Variants in TMEM117 observed in about 807,000 individuals in gnomAD.
TMEM117 encodes the protein transmembrane protein 117.
A neutral mutation model predicts 52.4 loss-of-function variants in TMEM117; 27 were observed. The observed-to-expected ratio is 0.51, with a 90% CI of 0.38 to 0.71. The LOEUF is 0.71. Among genes scored for constraint, TMEM117 ranks in the 30% least tolerant of loss-of-function variants. TMEM117 has a pLI of 0.00. For synonymous variants in TMEM117, 215 were observed against 206.3 expected (o/e 1.04, Z -0.36); for missense variants, 556 against 630.5 (o/e 0.88, Z 1.26).
chr12:44,362,677 A>G (rs1592719116), intron 6 of TMEM117, among the ~76,000 whole-genome samples: 1 of 152,170 alleles, frequency 6.6e-6, no homozygotes. Context: ...TCTATTTTCA[A>G]TGAAAAATAA....
intron 4 of TMEM117, among the ~76,000 whole-genome samples, chr12:44,192,590 T>C (rs912173507): frequency 4.6e-5 from 7 of 152,096 alleles, no homozygotes; most frequent in African/African-American, 1.2e-4. Flanking sequence ...AGGTGAAGTA[T>C]TGGTTGAATG....
intron 3 of TMEM117, among the ~76,000 whole-genome samples, chr12:44,018,012 T>A (rs1946398906): frequency 6.6e-6 from 1 of 152,188 alleles, no homozygotes; most frequent in Non-Finnish European, 1.5e-5. Context: ...AATTAGACTC[T>A]CTAGTTGGTA....
the TMEM117 span, among the ~76,000 whole-genome samples, chr12:43,816,742 C>A: frequency 2.6e-5 from 4 of 152,204 alleles, no homozygotes; most frequent in African/African-American, 9.6e-5. Flanking sequence ...AAATTAACTG[C>A]ACTATGAACT....
At chr12:44,003,052 G>C (rs1946139975) in intron 3 of TMEM117, among the ~76,000 whole-genome samples, 1 of 152,102 alleles carries the variant, frequency 6.6e-6, no homozygotes, top group Admixed American at 6.5e-5. Flanking sequence ...CCCCAACCCT[G>C]CCTGCCATTC....
In TMEM117 at chr12:43,884,333, A is replaced by G. The variant is rs1365935730; in HGVS notation, c.277+39405A>G. ...TAGATCAGTATATGAAATAGTATAT[A>G]TTATTATATTGTATTATTTATTAGG... On this transcript the variant is annotated intron_variant, in intron 2 of 7. Transcript: ENST00000266534. Among the ~76,000 whole-genome samples the G allele has an allele frequency of 3.9e-5, 6 of 152,100 alleles. No individual in the cohort carries two copies. In the East Asian group the frequency reaches 1.2e-3, roughly 29 times the overall value.
chr12:44,292,444 A>G (rs1011043540), intron 5 of TMEM117, among the ~76,000 whole-genome samples: 4 of 151,818 alleles, frequency 2.6e-5, no homozygotes, highest in African/African-American at 9.7e-5. Flanking sequence ...ATTAGTCTCT[A>G]TTTGATTTAT....
In TMEM117 at chr12:44,191,925, T is replaced by A. The variant is rs187709266; in HGVS notation, c.511-19365T>A. On this transcript the variant is annotated intron_variant, in intron 4 of 7. Transcript: ENST00000266534. ...GGAAAATATTTAATAAATACTTTTA[T>A]AAAATATATAGACATTTTGTAAATC... 1.3e-3 allele frequency among the ~76,000 whole-genome samples: 191 copies of A among 152,302 alleles called. 1 individual carries two copies. The highest frequency in any genetic ancestry group is 4.5e-3 in the African/African-American group (187 of 41,566).
At chr12:43,857,019 C>T (rs1441971728) in intron 2 of TMEM117, among the ~76,000 whole-genome samples, 3 of 152,192 alleles carry the variant, frequency 2.0e-5, no homozygotes, top group African/African-American at 4.8e-5. Flanking sequence ...TGTTCTCTCT[C>T]CTAGAGCAGG....
intron 2 of TMEM117, among the ~76,000 whole-genome samples, chr12:43,884,902 A>C (rs757053609): frequency 3.3e-5 from 5 of 152,128 alleles, no homozygotes; most frequent in African/African-American, 9.7e-5. Flanking sequence ...CACAAGCACC[A>C]TCCTATAAAA....
chr12:44,226,925 A>T lies in TMEM117; in HGVS notation c.608+15538A>T, dbSNP rs117180073. Among the ~76,000 whole-genome samples, 9 of 152,268 alleles carry T rather than the reference A, an allele frequency of 5.9e-5. No individual in the cohort carries two copies. The East Asian group carries it at 1.7e-3, about 29-fold the overall frequency. ...GAGCAGCCCTAGCAGGCTCATATAC[A>T]TGTGTAATATAAATACAATAAAAAT... is the stretch of plus-strand genomic sequence containing the variant. On this transcript the variant is annotated intron_variant, in intron 5 of 7. Coordinates refer to ENST00000266534, the MANE Select transcript of TMEM117 (RefSeq NM_032256.3).
At chr12:44,153,021 G>A (rs1019799815) in intron 4 of TMEM117, among the ~76,000 whole-genome samples, 2 of 151,334 alleles carry the variant, frequency 1.3e-5, no homozygotes, top group African/African-American at 4.9e-5. Flanking sequence ...TAAAAGAAAT[G>A]TTCAGGGGAG....
intron 2 of TMEM117, among the ~76,000 whole-genome samples, chr12:43,891,191 G>A (rs1944096126): frequency 6.6e-6 from 1 of 151,546 alleles, no homozygotes; most frequent in Admixed American, 6.6e-5. Context: ...ACCATTTGAC[G>A]AGTATTTGTT....
chr12:43,796,825 GT>G, the TMEM117 span: 3 of 760,254 alleles, frequency 3.9e-6, no homozygotes, highest in African/African-American at 5.3e-5. Flanking sequence ...ATGACAGGTA[GT>G]TCCCAGGCAC....
intron 3 of TMEM117, among the ~76,000 whole-genome samples, chr12:43,990,821 G>A (rs1481290879): frequency 9.2e-5 from 14 of 152,092 alleles, no homozygotes; most frequent in Admixed American, 6.6e-4. Context: ...AGCAATAAAG[G>A]CACAGTTCTC....
At chr12:44,221,344 T>A (rs978327855) in intron 5 of TMEM117, among the ~76,000 whole-genome samples, 1 of 152,220 alleles carries the variant, frequency 6.6e-6, no homozygotes, top group African/African-American at 2.4e-5. Flanking sequence ...CAGAAGATTT[T>A]GTTGTTGCCT....
chr12:44,335,735 T>G (rs1018203416), intron 6 of TMEM117, among the ~76,000 whole-genome samples: 1 of 152,060 alleles, frequency 6.6e-6, no homozygotes, highest in African/African-American at 2.4e-5. Flanking sequence ...ATATACCTGT[T>G]TGTAAATCTG....
chr12:43,841,620 A>G (rs961074593), intron 1 of TMEM117, among the ~76,000 whole-genome samples: 2 of 152,214 alleles, frequency 1.3e-5, no homozygotes, highest in Non-Finnish European at 2.9e-5. Context: ...AAAAACAACA[A>G]GAAAATAAGT....
At chr12:44,292,185 T>C (rs1950713102) in intron 5 of TMEM117, among the ~76,000 whole-genome samples, 1 of 152,052 alleles carries the variant, frequency 6.6e-6, no homozygotes, top group Admixed American at 6.5e-5. Context: ...TTATTCAGTC[T>C]TGGTAACTTG....
chr12:43,903,090 G>C (rs745614874), intron 2 of TMEM117, among the ~76,000 whole-genome samples: 4 of 152,114 alleles, frequency 2.6e-5, no homozygotes, highest in Non-Finnish European at 5.9e-5. Flanking sequence ...ATTTTCTAGA[G>C]TCCAGTTATG....
Sources: gnomAD v4.1 joint callset for allele counts (sites outside exome capture counted in the v4.1 genomes callset) on GRCh38, gnomAD v4.1.1 for gene constraint, MANE v1.5 for transcripts, NCBI Gene and HGNC (gene_info 2026-07-23, HGNC 2026-07-21) for gene names.